The following IL1RAPL2 variants were observed in gnomAD, a reference collection of about 807,000 sequenced individuals.
IL1RAPL2 encodes interleukin 1 receptor accessory protein like 2.
A neutral mutation model predicts 44.1 loss-of-function variants in IL1RAPL2; 3 were observed. The observed-to-expected ratio is 0.07, with a 90% CI of 0.03 to 0.18. The LOEUF is 0.18. IL1RAPL2 is among the 10% of genes least tolerant of loss of function. IL1RAPL2 has a pLI of 1.00. For missense variants in IL1RAPL2, 391 were observed against 496.4 expected (o/e 0.79, Z 2.02); for synonymous variants, 181 against 178.8 (o/e 1.01, Z -0.10).
At chrX:105,226,220 A>G (rs1234193410) in intron 3 of IL1RAPL2, among the ~76,000 whole-genome samples, 1 of 109,862 alleles carries the variant, frequency 9.1e-6, no homozygotes, top group Admixed American at 9.8e-5. Flanking sequence ...TGTGTAAGCA[A>G]CACAAATACT....
chrX:104,762,505 C>A (rs1039069042), intron 2 of IL1RAPL2, among the ~76,000 whole-genome samples: 1 of 111,891 alleles, frequency 8.9e-6, no homozygotes, highest in African/African-American at 3.2e-5. Context: ...GTCAGTGGAT[C>A]TACCATTCTG....
At chrX:105,183,658 CTT>C (rs2033556258) in intron 2 of IL1RAPL2, among the ~76,000 whole-genome samples, 2 of 111,665 alleles carry the variant, frequency 1.8e-5, no homozygotes, top group African/African-American at 6.5e-5. Flanking sequence ...CTTTGGCTCT[CTT>C]TGTCCCAGGG....
chrX:105,364,726 G>A (rs1221167405), intron 5 of IL1RAPL2, among the ~76,000 whole-genome samples: 1 of 111,054 alleles, frequency 9.0e-6, no homozygotes, highest in Non-Finnish European at 1.9e-5. Context: ...GTACAGAAAT[G>A]CTACTTATTT....
intron 2 of IL1RAPL2, among the ~76,000 whole-genome samples, chrX:104,824,828 A>G (rs928258630): frequency 6.3e-5 from 7 of 111,020 alleles, no homozygotes; most frequent in Non-Finnish European, 1.1e-4. Flanking sequence ...ATTTTCACAA[A>G]ACCAGCTCCT....
intron 6 of IL1RAPL2, among the ~76,000 whole-genome samples, chrX:105,670,411 C>T (rs1483431478): frequency 9.5e-6 from 1 of 104,746 alleles, no homozygotes; most frequent in Non-Finnish European, 2.0e-5. Flanking sequence ...TGCCATTTTC[C>T]TGCCTCAGCC....
chrX:105,181,930 G>C (rs1309796398), intron 2 of IL1RAPL2, among the ~76,000 whole-genome samples: 2 of 109,132 alleles, frequency 1.8e-5, no homozygotes, highest in African/African-American at 6.7e-5. Context: ...AGCTGGGTGT[G>C]GTAGCGGGCG....
chrX:104,983,566 T>TATTATATTATAGACATATTA lies in IL1RAPL2; in HGVS notation c.83-211909_83-211908insATTATATTATAGACATATTA, dbSNP rs1569355727. 9.2e-4 allele frequency among the ~76,000 whole-genome samples: 66 copies of TATTATATTATAGACATATTA among 71,731 alleles called. 1 individual carries two copies. Among genetic ancestry groups the TATTATATTATAGACATATTA allele is most frequent in the African/African-American group, 2.8e-3 (62 of 22,006 alleles). The allele number at this position is 71,731 out of a possible 115,157, so 62.3% of individuals were successfully genotyped here. On this transcript the variant is annotated intron_variant, in intron 2 of 10. Coordinates refer to ENST00000372582, the MANE Select transcript of IL1RAPL2 (RefSeq NM_017416.2). ...TATTATATTATAGACATATTATATA[T>TATTATATTATAGACATATTA]TATATTATAGACATAATATATAATA... is the stretch of plus-strand genomic sequence containing the variant.
At chrX:105,736,478 C>A (rs749067858) in intron 7 of IL1RAPL2, among the ~76,000 whole-genome samples, 34 of 105,374 alleles carry the variant, frequency 3.2e-4, no homozygotes, top group African/African-American at 1.1e-3. Context: ...ATATATCTGA[C>A]AAAGGACTAA....
intron 2 of IL1RAPL2, among the ~76,000 whole-genome samples, chrX:105,142,200 T>C (rs2033131232): frequency 8.9e-6 from 1 of 112,217 alleles, no homozygotes; most frequent in Non-Finnish European, 1.9e-5. Context: ...TCCATCCTGA[T>C]GATCCTATAT....
chrX:105,076,976 A>G (rs1207830984), intron 2 of IL1RAPL2, among the ~76,000 whole-genome samples: 1 of 111,049 alleles, frequency 9.0e-6, no homozygotes, highest in East Asian at 2.8e-4. Context: ...CAGCACACTG[A>G]TGGGTCTTGA....
intron 2 of IL1RAPL2, among the ~76,000 whole-genome samples, chrX:104,826,938 C>CTTTTTTTTTTTTTTTTTTT (rs1176113214): frequency 8.6e-5 from 3 of 34,868 alleles, no homozygotes; most frequent in Non-Finnish European, 1.5e-4. Flanking sequence ...GCAACCCCTG[C>CTTTTTTTTTTTTTTTTTTT]TTTTTTTTTT....
intron 5 of IL1RAPL2, among the ~76,000 whole-genome samples, chrX:105,420,535 T>C (rs2035767023): frequency 8.9e-6 from 1 of 111,917 alleles, no homozygotes; most frequent in Non-Finnish European, 1.9e-5. Flanking sequence ...CTTATTTTGC[T>C]TAGCCAATTC....
chrX:105,697,026 A>C (rs2038081447), intron 6 of IL1RAPL2, among the ~76,000 whole-genome samples: 1 of 110,611 alleles, frequency 9.0e-6, no homozygotes, highest in Admixed American at 9.7e-5. Flanking sequence ...GAAGTAGGGG[A>C]GTAGGTTTGT....
chrX:105,219,916 A>T (rs782672530), intron 3 of IL1RAPL2: 1 of 1,131,297 alleles, frequency 8.8e-7, no homozygotes, highest in Non-Finnish European at 1.2e-6. Flanking sequence ...GGTACTGGGC[A>T]GGGACCAGTT....
In IL1RAPL2 at chrX:105,757,451, A is replaced by G. The variant is rs1397506074; in HGVS notation, c.1363+2104A>G. On this transcript the variant is annotated intron_variant, in intron 10 of 10. Transcript: ENST00000372582. Reference sequence around the variant, plus strand: ...TAAACTCCATGAGGACAGGGATTATATCTCATTTATTTTTGTATCCCTATA... The same window carrying G: ...TAAACTCCATGAGGACAGGGATTATGTCTCATTTATTTTTGTATCCCTATA... Among the ~76,000 whole-genome samples the G allele has an allele frequency of 3.6e-5, 4 of 111,997 alleles. No homozygotes were observed. In the East Asian group the frequency reaches 1.1e-3, roughly 31 times the overall value.
chrX:105,493,596 A>G (rs2036336317), intron 6 of IL1RAPL2, among the ~76,000 whole-genome samples: 1 of 111,054 alleles, frequency 9.0e-6, no homozygotes. Context: ...CCCTTTTTTA[A>G]ATGAGGAAAA....
intron 5 of IL1RAPL2, among the ~76,000 whole-genome samples, chrX:105,302,031 G>T (rs888176815): frequency 3.6e-5 from 4 of 111,550 alleles, no homozygotes; most frequent in South Asian, 3.7e-4. Flanking sequence ...ATTTGTTATT[G>T]CTTGTCTTTT....
chrX:105,747,577 T>C lies in IL1RAPL2; in HGVS notation c.1049-1383T>C, dbSNP rs770914571. Among the ~76,000 whole-genome samples the C allele has an allele frequency of 4.7e-4, 46 of 98,726 alleles. 1 individual carries two copies. The highest frequency in any genetic ancestry group is 1.9e-3 in the African/African-American group (46 of 24,129). 85.7% of individuals were successfully genotyped at this position (98,726 alleles called of 115,157 possible). A position where few individuals can be genotyped will look rare whatever the true frequency, so the allele number is the denominator to read the frequency against. On this transcript the variant is annotated intron_variant, in intron 8 of 10. Coordinates refer to ENST00000372582, the MANE Select transcript of IL1RAPL2 (RefSeq NM_017416.2). The stretch of plus-strand genomic sequence containing the variant: ...ATATATACACACATATATACACACA[T>C]ATATATATATTCTTTTTTATAAAAT...
At chrX:105,761,554 C>G (rs1376897920) in intron 10 of IL1RAPL2, among the ~76,000 whole-genome samples, 1 of 111,585 alleles carries the variant, frequency 9.0e-6, no homozygotes, top group Non-Finnish European at 1.9e-5. Flanking sequence ...ATATAGGAAA[C>G]ATATGTAGGC....
Sources: gnomAD v4.1 joint callset for allele counts (sites outside exome capture counted in the v4.1 genomes callset) on GRCh38, gnomAD v4.1.1 for gene constraint, MANE v1.5 for transcripts, NCBI Gene and HGNC (gene_info 2026-07-23, HGNC 2026-07-21) for gene names.